Variants in ZNF831 observed in about 807,000 individuals in gnomAD.
ZNF831 encodes the protein zinc finger protein 831, also known as chromosome 20 open reading frame 174.
ZNF831 carries 59 observed loss-of-function variants against 95.8 expected under a neutral mutation model. The ratio of observed to expected loss-of-function variants is 0.62; its 90% CI spans 0.50 to 0.77. The LOEUF is 0.77. ZNF831 is among the 30% of genes least tolerant of loss of function. ZNF831 has a pLI of 0.00. For missense variants in ZNF831, 2,205 were observed against 2,164.0 expected (o/e 1.02, Z -0.38); for synonymous variants, 961 against 925.5 (o/e 1.04, Z -0.70).
intron 1 of ZNF831, among the ~76,000 whole-genome samples, chr20:59,174,669 C>T (rs533532919): frequency 1.4e-4 from 21 of 152,072 alleles, no homozygotes; most frequent in African/African-American, 3.1e-4. Context: ...GATCCATGTA[C>T]GCACCACTGA....
intron 4 of ZNF831, among the ~76,000 whole-genome samples, chr20:59,231,698 GT>G (rs766439276): frequency 4.8e-4 from 73 of 152,250 alleles, no homozygotes; most frequent in Non-Finnish European, 7.5e-4. Flanking sequence ...AAACATTTCT[GT>G]TTGAAACCTC....
At chr20:59,124,650 A>G (rs995866519) in intron 1 of ZNF831, among the ~76,000 whole-genome samples, 1 of 152,158 alleles carries the variant, frequency 6.6e-6, no homozygotes, top group Non-Finnish European at 1.5e-5. Flanking sequence ...AGCAAGGAGG[A>G]GGTCACGCAA....
At chr20:59,124,081 G>T (rs2146430037) in intron 1 of ZNF831, among the ~76,000 whole-genome samples, 2 of 152,294 alleles carry the variant, frequency 1.3e-5, no homozygotes, top group Middle Eastern at 3.4e-3. Flanking sequence ...AGGTGGGGTG[G>T]ACTCCTACGC....
intron 4 of ZNF831, among the ~76,000 whole-genome samples, chr20:59,247,823 C>G (rs911425055): frequency 1.3e-5 from 2 of 152,094 alleles, no homozygotes; most frequent in African/African-American, 4.8e-5. Flanking sequence ...TATCAAATTA[C>G]TTACATTTTT....
intron 1 of ZNF831, among the ~76,000 whole-genome samples, chr20:59,132,626 A>G (rs972836593): frequency 6.6e-6 from 1 of 152,136 alleles, no homozygotes; most frequent in Admixed American, 6.5e-5. Context: ...GGACATTGGC[A>G]TGGCTTCTGG....
At chr20:59,157,215 C>A (rs757612494) in intron 2 of ZNF831, among the ~76,000 whole-genome samples, 14 of 152,332 alleles carry the variant, frequency 9.2e-5, no homozygotes, top group African/African-American at 2.4e-4. Flanking sequence ...CTTTCCCGCC[C>A]ACTCCCCTAC....
Position 59,233,325 on chromosome 20 carries a change from C to T in ZNF831, c.4028-19653C>T, listed in dbSNP as rs377691461. The stretch of plus-strand genomic sequence containing the variant: ...CACCCAAATCATGGCCAAGGTGCAC[C>T]ATTTTGGCCTAGGTTCTTCTCCCAA... On this transcript the variant is annotated intron_variant, in intron 4 of 5. Coordinates refer to ENST00000371030, the MANE Select transcript of ZNF831 (RefSeq NM_178457.3). Among the ~76,000 whole-genome samples, 50 of 152,230 alleles carry T rather than the reference C, an allele frequency of 3.3e-4. No individual in the cohort carries two copies. In the East Asian group the frequency reaches 5.8e-3, roughly 18 times the overall value.
chr20:59,205,897 T>C (rs1240707425), intron 3 of ZNF831, among the ~76,000 whole-genome samples: 2 of 152,232 alleles, frequency 1.3e-5, no homozygotes, highest in African/African-American at 4.8e-5. Context: ...ATTAGTAAAA[T>C]AATTTGTAGC....
chr20:59,253,122 A>G lies in ZNF831; in HGVS notation c.4172A>G (p.Asp1391Gly), dbSNP rs774564380. Reference sequence around the variant, plus strand: ...AGTTCAAGAATTGTCAGGGAAATGGACAAACGAACTGTGAAGGTGGGCATG... The same window carrying G: ...AGTTCAAGAATTGTCAGGGAAATGGGCAAACGAACTGTGAAGGTGGGCATG... Reference protein sequence around the residue: ...GTSSRIVREMDKRTVKDISPS... With the variant: ...GTSSRIVREMGKRTVKDISPS... The change falls in exon 5 of 6, where the codon GAC becomes GGC. Residue 1391 changes from aspartate to glycine, a missense_variant. By Grantham distance (94) the Asp-to-Gly change is moderately conservative. Transcript: ENST00000371030. 9 of 1,614,096 alleles carry G rather than the reference A, an allele frequency of 5.6e-6. No homozygotes were observed. The East Asian group carries it at 2.0e-4, about 36-fold the overall frequency.
intron 4 of ZNF831, among the ~76,000 whole-genome samples, chr20:59,213,567 T>C (rs2146654815): frequency 6.6e-6 from 1 of 152,320 alleles, no homozygotes; most frequent in Non-Finnish European, 1.5e-5. Flanking sequence ...GTTTGTTGAA[T>C]GAACAATTTA....
At chr20:59,238,888 A>T (rs999108452) in intron 4 of ZNF831, among the ~76,000 whole-genome samples, 1 of 152,214 alleles carries the variant, frequency 6.6e-6, no homozygotes, top group Non-Finnish European at 1.5e-5. Flanking sequence ...CATACTTGAC[A>T]GTCACACACA....
At position 59,230,275 on chromosome 20, in the gene ZNF831, A is replaced by G. The variant is rs946060755; in HGVS notation, c.4028-22703A>G. 6.6e-5 allele frequency among the ~76,000 whole-genome samples: 10 copies of G among 152,230 alleles called. No individual in the cohort carries two copies. In the South Asian group the frequency reaches 2.1e-3, roughly 32 times the overall value. ...CATTGTGGGGAGAAAACAGCTACAG[A>G]CAAAAATGTAAACAAATGGAACCCC... On this transcript the variant is annotated intron_variant, in intron 4 of 5. Coordinates refer to ENST00000371030, the MANE Select transcript of ZNF831 (RefSeq NM_178457.3).
chr20:59,149,024 T>G (rs928372092), intron 2 of ZNF831, among the ~76,000 whole-genome samples: 2 of 152,206 alleles, frequency 1.3e-5, no homozygotes, highest in African/African-American at 4.8e-5. Flanking sequence ...CAGGGGATGG[T>G]GTCTCCATTG....
intron 4 of ZNF831, among the ~76,000 whole-genome samples, chr20:59,238,520 G>A (rs1987129233): frequency 6.6e-6 from 1 of 152,172 alleles, no homozygotes; most frequent in South Asian, 2.1e-4. Flanking sequence ...CAGAGGAGAG[G>A]AGCAGCCAGT....
At position 59,194,298 on chromosome 20, in the gene ZNF831, C is replaced by G. The variant is rs1983890439; in HGVS notation, c.3279C>G (p.Val1093=). 6.2e-7 allele frequency: 1 copy of G among 1,613,824 alleles called. No individual in the cohort carries two copies. Among genetic ancestry groups the G allele is most frequent in the East Asian group, 2.2e-5 (1 of 44,896 alleles). ...CAAGGGCCAGGCTCTCTGGGGATGT[C>G]CTGAATCCCTGGGTACCCAACTGGG... The part of the protein sequence containing the change: ...TLARARLSGD[V]LNPWVPNWEL... Residue 1093 remains valine, a synonymous_variant, in exon 2 of 6, where the codon GTC becomes GTG. Transcript: ENST00000371030.
intron 4 of ZNF831, among the ~76,000 whole-genome samples, chr20:59,247,868 T>A (rs562469962): frequency 6.6e-6 from 1 of 152,354 alleles, no homozygotes; most frequent in African/African-American, 2.4e-5. Flanking sequence ...TTTATAGCAT[T>A]TTAATAAGGC....
intron 1 of ZNF831, among the ~76,000 whole-genome samples, chr20:59,133,495 G>A (rs6128492): frequency 1.3e-5 from 2 of 152,192 alleles, no homozygotes; most frequent in Non-Finnish European, 1.5e-5. Flanking sequence ...TCTGTCCATA[G>A]GCATCTCCAT....
intron 1 of ZNF831, among the ~76,000 whole-genome samples, chr20:59,124,216 G>A (rs1285554684): frequency 6.6e-6 from 1 of 151,898 alleles, no homozygotes; most frequent in Non-Finnish European, 1.5e-5. Context: ...ATGCCTGTTT[G>A]TGTTCTATGA....
chr20:59,160,429 C>G (rs1261974387), upstream of ZNF831: 2 of 152,348 alleles, frequency 1.3e-5, no homozygotes, highest in African/African-American at 4.8e-5. Context: ...CCTCTGAGGC[C>G]CCAGAGGTGC....
Sources: gnomAD v4.1 joint callset for allele counts (sites outside exome capture counted in the v4.1 genomes callset) on GRCh38, gnomAD v4.1.1 for gene constraint, MANE v1.5 for transcripts, NCBI Gene and HGNC (gene_info 2026-07-23, HGNC 2026-07-21) for gene names.